Variants in WASF3 observed in about 807,000 individuals in gnomAD.
WASF3 encodes WASP family member 3.
In WASF3, 11 loss-of-function variants were observed where a neutral mutation model predicts 46.6. That is an observed-to-expected ratio of 0.24 (90% CI 0.15 to 0.39). The LOEUF is 0.39. Among genes scored for constraint, WASF3 ranks in the 10% least tolerant of loss-of-function variants. The pLI is 1.00. For missense variants in WASF3, 576 were observed against 669.8 expected (o/e 0.86, Z 1.55); for synonymous variants, 242 against 259.7 (o/e 0.93, Z 0.65).
chr13:26,596,708 T>A (rs1880474251), intron 1 of WASF3, among the ~76,000 whole-genome samples: 1 of 152,190 alleles, frequency 6.6e-6, no homozygotes, highest in African/African-American at 2.4e-5. Flanking sequence ...ATCAGATTAT[T>A]ATTTCTTAAG....
chr13:26,644,101 G>A (rs920061784), intron 3 of WASF3, among the ~76,000 whole-genome samples: 2 of 152,228 alleles, frequency 1.3e-5, no homozygotes, highest in African/African-American at 2.4e-5. Flanking sequence ...GTGACGTGAT[G>A]TGGGAAGGAC....
upstream of WASF3, among the ~76,000 whole-genome samples, chr13:26,556,441 A>G (rs953777106): frequency 6.6e-6 from 1 of 152,244 alleles, no homozygotes; most frequent in African/African-American, 2.4e-5. Context: ...TAGTATCAAT[A>G]TTTAAAATAC....
At chr13:26,666,371 A>G (rs1185294830) in intron 4 of WASF3, among the ~76,000 whole-genome samples, 1 of 152,166 alleles carries the variant, frequency 6.6e-6, no homozygotes, top group African/African-American at 2.4e-5. Context: ...GAGATTTTAT[A>G]GTACATGTCA....
chr13:26,678,646 A>G (rs1883135860), intron 7 of WASF3, among the ~76,000 whole-genome samples: 2 of 152,184 alleles, frequency 1.3e-5, no homozygotes, highest in African/African-American at 2.4e-5. Context: ...ACCGTAACCC[A>G]TCTTACATTT....
rs746217794 is a variant in WASF3 at position 26,682,573 on chromosome 13, C to G, written c.984-34C>G. 6.2e-7 allele frequency: 1 copy of G among 1,613,440 alleles called. No homozygotes were observed. Among genetic ancestry groups the G allele is most frequent in the Non-Finnish European group, 8.5e-7 (1 of 1,179,814 alleles). On this transcript the variant is annotated intron_variant, in intron 8 of 9. Coordinates refer to ENST00000335327, the MANE Select transcript of WASF3 (RefSeq NM_006646.6). This position sits in a 1 kb window ranked among gnomAD's most constrained non-coding sequence, Gnocchi z 4.4. ...TCCCAGGACGTGACCCTCTCTTGTT[C>G]CCTTGGTGACTATGTGCCTCATATC...
intron 2 of WASF3, among the ~76,000 whole-genome samples, chr13:26,635,700 G>C (rs376931364): frequency 1.3e-5 from 2 of 152,292 alleles, no homozygotes; most frequent in African/African-American, 4.8e-5. Context: ...TGTTGATGTT[G>C]ATGCTATTCC....
the WASF3 span, among the ~76,000 whole-genome samples, chr13:26,541,246 A>G: frequency 2.0e-5 from 3 of 152,196 alleles, no homozygotes; most frequent in African/African-American, 7.2e-5. Flanking sequence ...TAGAGGCTGC[A>G]GCTGAGTCCC....
intron 1 of WASF3, among the ~76,000 whole-genome samples, chr13:26,566,900 A>G (rs971242333): frequency 2.0e-5 from 3 of 152,242 alleles, no homozygotes; most frequent in African/African-American, 7.2e-5. Flanking sequence ...CCACAGTGAA[A>G]GGAAATCATC....
At chr13:26,606,321 C>T (rs1880795611) in intron 1 of WASF3, among the ~76,000 whole-genome samples, 2 of 131,964 alleles carry the variant, frequency 1.5e-5, no homozygotes, top group South Asian at 2.7e-4. Flanking sequence ...TCTTTTTTTT[C>T]GTGTGTGTGT....
intron 6 of WASF3, 51 bp downstream of exon 6, chr13:26,672,040 C>G: frequency 7.5e-7 from 1 of 1,338,770 alleles, no homozygotes; most frequent in South Asian, 1.3e-5. Flanking sequence ...AAAGGAGATT[C>G]TTGTTTAGAA....
At chr13:26,577,534 G>T (rs1239991118) in intron 1 of WASF3, 3 of 1,325,460 alleles carry the variant, frequency 2.3e-6, no homozygotes, top group Non-Finnish European at 3.2e-6. Flanking sequence ...AAGTAAAAAT[G>T]CTGAAGAAGC....
At position 26,571,607 on chromosome 13, in the gene WASF3, A is replaced by G. The variant is rs566863131; in HGVS notation, c.-109+13788A>G. The stretch of plus-strand genomic sequence containing the variant: ...CCATTCTGTTGTTCTGTCTGTTCAT[A>G]TGCTATTCACACAATTTTAATCATG... On this transcript the variant is annotated intron_variant, in intron 1 of 9. Coordinates refer to ENST00000335327, the MANE Select transcript of WASF3 (RefSeq NM_006646.6). Among the ~76,000 whole-genome samples, 15 of 152,262 alleles carry G rather than the reference A, an allele frequency of 9.9e-5. No homozygotes were observed. In the South Asian group the frequency reaches 2.5e-3, roughly 25 times the overall value.
At chr13:26,670,428 A>G (rs1361089346) in intron 5 of WASF3, among the ~76,000 whole-genome samples, 2 of 152,116 alleles carry the variant, frequency 1.3e-5, no homozygotes, top group Non-Finnish European at 2.9e-5. Context: ...GCAAACCACC[A>G]TGGCACATAT....
intron 2 of WASF3, chr13:26,626,309 C>T (rs1216460402): frequency 1.3e-5 from 2 of 152,278 alleles, no homozygotes; most frequent in Admixed American, 6.5e-5. Flanking sequence ...GATGCGATGT[C>T]ATCTGGGGGA....
intron 3 of WASF3, among the ~76,000 whole-genome samples, chr13:26,650,688 G>T (rs1406724221): frequency 6.6e-6 from 1 of 152,150 alleles, no homozygotes; most frequent in Non-Finnish European, 1.5e-5. Context: ...CAGAGAAATG[G>T]AAATCATTTT....
chr13:26,628,413 C>G (rs1029287385), intron 2 of WASF3, among the ~76,000 whole-genome samples: 4 of 152,300 alleles, frequency 2.6e-5, no homozygotes, highest in African/African-American at 9.6e-5. Flanking sequence ...TCAGCAGGTG[C>G]TGCACATGTG....
At chr13:26,598,824 C>T (rs1880555427) in intron 1 of WASF3, among the ~76,000 whole-genome samples, 1 of 152,144 alleles carries the variant, frequency 6.6e-6, no homozygotes, top group Admixed American at 6.5e-5. Flanking sequence ...CGATGGCTTT[C>T]AGCTCCTCAG....
intron 1 of WASF3, among the ~76,000 whole-genome samples, chr13:26,572,312 C>T (rs9553861): frequency 0.35 from 53,946 of 152,104 alleles, 9,888 homozygotes; most frequent in East Asian, 0.58. Flanking sequence ...GATGTTGGCA[C>T]TTGCACTCAC....
At chr13:26,661,522 T>C (rs1174592819) in intron 3 of WASF3, among the ~76,000 whole-genome samples, 3 of 152,242 alleles carry the variant, frequency 2.0e-5, no homozygotes, top group African/African-American at 7.2e-5. Flanking sequence ...GTTCATGTAT[T>C]GCTGGACACT....
Sources: allele counts gnomAD v4.1 joint callset (sites outside exome capture counted in the v4.1 genomes callset), GRCh38; gene constraint gnomAD v4.1.1; non-coding constraint Gnocchi (gnomAD v3.1); transcripts MANE v1.5; gene names NCBI Gene and HGNC (gene_info 2026-07-23, HGNC 2026-07-21).